MIPOL1: variants seen among roughly 807,000 people sequenced by gnomAD.
MIPOL1 encodes the protein mirror-image polydactyly 1.
A neutral mutation model predicts 60.9 loss-of-function variants in MIPOL1; 57 were observed. The observed-to-expected ratio is 0.94, with a 90% CI of 0.76 to 1.17. MIPOL1 has a LOEUF of 1.17. Ranked by LOEUF, MIPOL1 falls within the 50% of genes most tolerant of loss-of-function variation. The probability of loss-of-function intolerance (pLI) is 0.00; values close to 1 mark genes in which losing one functional copy is unlikely to be tolerated. For synonymous variants in MIPOL1, 179 were observed against 168.8 expected, an observed-to-expected ratio of 1.06 and a Z score of -0.47; for missense variants, 551 against 511.6, an observed-to-expected ratio of 1.08 and a Z score of -0.74.
At chr14:37,302,745 A>G (rs1002927295) in intron 7 of MIPOL1, among the ~76,000 whole-genome samples, 4 of 151,228 alleles carry the variant, frequency 2.6e-5, no homozygotes, top group Non-Finnish European at 4.4e-5. Flanking sequence ...TAAGTTGACT[A>G]TATATCTGTG....
intron 6 of MIPOL1, among the ~76,000 whole-genome samples, chr14:37,283,780 T>A (rs1190352393): frequency 6.6e-6 from 1 of 152,226 alleles, no homozygotes; most frequent in Non-Finnish European, 1.5e-5. Context: ...TTTATATACC[T>A]GAACTTCAAC....
chr14:37,493,545 A>G (rs549859549), intron 11 of MIPOL1, among the ~76,000 whole-genome samples: 7 of 152,312 alleles, frequency 4.6e-5, no homozygotes, highest in Admixed American at 1.3e-4. Context: ...CATTGGACTC[A>G]ATGTGGTGAG....
chr14:37,426,570 C>CGTATATATATATATAT (rs2093963891), intron 11 of MIPOL1, among the ~76,000 whole-genome samples: 1 of 85,530 alleles, frequency 1.2e-5, no homozygotes, highest in East Asian at 3.6e-4. Flanking sequence ...TCAAAATATA[C>CGTATATATATATATAT]ATATATATAT....
chr14:37,402,635 T>C (rs2093506819), intron 10 of MIPOL1, among the ~76,000 whole-genome samples: 1 of 152,184 alleles, frequency 6.6e-6, no homozygotes, highest in African/African-American at 2.4e-5. Flanking sequence ...AATGCTTGAG[T>C]CTTGTTCCAG....
intron 9 of MIPOL1, among the ~76,000 whole-genome samples, chr14:37,336,864 G>T (rs986030749): frequency 6.6e-6 from 1 of 151,790 alleles, no homozygotes; most frequent in East Asian, 1.9e-4. Context: ...AGGTTCAATC[G>T]ATTCTCCTGC....
At chr14:37,331,930 C>T (rs1005365964) in intron 9 of MIPOL1, among the ~76,000 whole-genome samples, 2 of 152,088 alleles carry the variant, frequency 1.3e-5, no homozygotes, top group South Asian at 4.1e-4. Flanking sequence ...GCAGGTGGAT[C>T]ACGAGGTCAG....
In MIPOL1 at chr14:37,524,097, A is replaced by T. The variant is rs140297840; in HGVS notation, c.1263-22808A>T. ...ACTTTCGTTGTGGTTTTTATCTGTT[A>T]TTTCCCATTTTTTGACTTTACCTTA... On this transcript the variant is annotated intron_variant, in intron 12 of 12. Transcript: ENST00000684589. Among the ~76,000 whole-genome samples, 405 of 152,246 alleles carry T rather than the reference A, an allele frequency of 2.7e-3. 2 individuals are homozygous for T. Among genetic ancestry groups the T allele is most frequent in the African/African-American group, 9.3e-3 (388 of 41,554 alleles).
chr14:37,543,065 T>A (rs2153642057), intron 12 of MIPOL1, among the ~76,000 whole-genome samples: 1 of 152,276 alleles, frequency 6.6e-6, no homozygotes, highest in South Asian at 2.1e-4. Context: ...AGGGCATCAC[T>A]ATCTACATAG....
chr14:37,446,624 C>T lies in MIPOL1; in HGVS notation c.1031+23675C>T, dbSNP rs143988859. Among the ~76,000 whole-genome samples the T allele has an allele frequency of 9.5e-3, 1,450 of 152,188 alleles. 28 individuals carry two copies. The highest frequency in any genetic ancestry group is 0.033 in the African/African-American group (1,360 of 41,518). On this transcript the variant is annotated intron_variant, in intron 11 of 12. Transcript: ENST00000684589. ...ATTCCAGTATAAAGACACATGCACACGTATGTTTATAGCGGCACTATTCAC... is the reference window on the plus strand; with the variant it reads ...ATTCCAGTATAAAGACACATGCACATGTATGTTTATAGCGGCACTATTCAC...
At chr14:37,366,645 G>GT (rs1227023385) in intron 9 of MIPOL1, among the ~76,000 whole-genome samples, 2 of 151,982 alleles carry the variant, frequency 1.3e-5, no homozygotes, top group Non-Finnish European at 2.9e-5. Flanking sequence ...GAAATGTTCC[G>GT]TAACTGTCTA....
intron 9 of MIPOL1, among the ~76,000 whole-genome samples, chr14:37,326,979 G>T: frequency 6.6e-6 from 1 of 152,122 alleles, no homozygotes. Context: ...AAAACTATGA[G>T]TGTAGCTAGA....
At chr14:37,536,083 A>G (rs778233008) in intron 12 of MIPOL1, among the ~76,000 whole-genome samples, 1 of 152,106 alleles carries the variant, frequency 6.6e-6, no homozygotes. Context: ...AAGTTTTTAC[A>G]TAGCGAAATA....
intron 1 of MIPOL1, among the ~76,000 whole-genome samples, chr14:37,226,835 C>A (rs1424295809): frequency 6.6e-6 from 1 of 152,136 alleles, no homozygotes; most frequent in Non-Finnish European, 1.5e-5. Flanking sequence ...TACCTTTCAG[C>A]TAACATGCTG....
At chr14:37,524,565 C>CTTTTTTTTTTTTTTTTTT (rs1173993657) in intron 12 of MIPOL1, among the ~76,000 whole-genome samples, 1 of 124,848 alleles carries the variant, frequency 8.0e-6, no homozygotes, top group Non-Finnish European at 1.6e-5. Flanking sequence ...TTTTCTTTTT[C>CTTTTTTTTTTTTTTTTTT]TTTTCTTTTT....
At chr14:37,436,411 A>G (rs1263080296) in intron 11 of MIPOL1, among the ~76,000 whole-genome samples, 1 of 152,172 alleles carries the variant, frequency 6.6e-6, no homozygotes, top group Non-Finnish European at 1.5e-5. Flanking sequence ...TTTTCTTTCC[A>G]TGACACATGC....
At chr14:37,426,701 G>A (rs2093974696) in intron 11 of MIPOL1, among the ~76,000 whole-genome samples, 1 of 149,406 alleles carries the variant, frequency 6.7e-6, no homozygotes, top group East Asian at 1.9e-4. Context: ...GAAGAGACAG[G>A]AGATTGAAGT....
chr14:37,223,106 T>G lies in MIPOL1; in HGVS notation c.-198-23997T>G, dbSNP rs113400442. Among the ~76,000 whole-genome samples, 384 of 152,096 alleles carry G rather than the reference T, an allele frequency of 2.5e-3. 2 individuals are homozygous for G. Among genetic ancestry groups the G allele is most frequent in the African/African-American group, 8.7e-3 (361 of 41,526 alleles). ...GGAGTGCAGTAATGTGATCTCAGCT[T>G]ACCGCAAACTCCACCTCCTGGGTTC... On this transcript the variant is annotated intron_variant, in intron 1 of 12. Coordinates refer to ENST00000684589, the MANE Select transcript of MIPOL1 (RefSeq NM_001388067.1).
chr14:37,203,603 CAG>C (rs1186238838), intron 1 of MIPOL1, among the ~76,000 whole-genome samples: 1 of 152,116 alleles, frequency 6.6e-6, no homozygotes, highest in Non-Finnish European at 1.5e-5. Flanking sequence ...TGTCACTTCT[CAG>C]ATTAGATTAC....
chr14:37,365,539 T>G (rs918579731), intron 9 of MIPOL1, among the ~76,000 whole-genome samples: 2 of 152,202 alleles, frequency 1.3e-5, no homozygotes, highest in Admixed American at 1.3e-4. Context: ...GAATCATCCT[T>G]GCATCCCAGG....
Sources: allele counts gnomAD v4.1 joint callset (sites outside exome capture counted in the v4.1 genomes callset), GRCh38; gene constraint gnomAD v4.1.1; transcripts MANE v1.5; gene names NCBI Gene and HGNC (gene_info 2026-07-23, HGNC 2026-07-21).